Variants in EXTL3 observed in about 807,000 individuals in gnomAD.
EXTL3 encodes exostosin-like 3.
EXTL3 carries 27 observed loss-of-function variants against 69.3 expected under a neutral mutation model. That is an observed-to-expected ratio of 0.39 (90% CI 0.29 to 0.54). EXTL3 has a LOEUF of 0.54. Among genes scored for constraint, EXTL3 ranks in the 20% least tolerant of loss-of-function variants. The pLI, the probability that EXTL3 is intolerant of heterozygous loss-of-function variation, is 0.69. For synonymous variants in EXTL3, 511 were observed against 499.4 expected (o/e 1.02, Z -0.31); for missense variants, 1,003 against 1,231.8 (o/e 0.81, Z 2.78).
intron 1 of EXTL3, among the ~76,000 whole-genome samples, chr8:28,653,881 C>A (rs1230936387): frequency 4.6e-5 from 7 of 151,916 alleles, no homozygotes; most frequent in Non-Finnish European, 8.8e-5. Context: ...TCTCTTAATT[C>A]TTTATGAATT....
At chr8:28,713,882 A>G (rs945203234) in intron 2 of EXTL3, among the ~76,000 whole-genome samples, 1 of 150,010 alleles carries the variant, frequency 6.7e-6, no homozygotes, top group African/African-American at 2.5e-5. Context: ...AGCTGATTCT[A>G]ATATCCTCTT....
intron 1 of EXTL3, among the ~76,000 whole-genome samples, chr8:28,661,534 C>CAT (rs1243572299): frequency 2.2e-4 from 33 of 151,596 alleles, no homozygotes; most frequent in Admixed American, 1.3e-3. Flanking sequence ...TATAAACACA[C>CAT]ATATATATAT....
chr8:28,675,522 A>G (rs1807367264), intron 1 of EXTL3, among the ~76,000 whole-genome samples: 1 of 152,154 alleles, frequency 6.6e-6, no homozygotes, highest in Non-Finnish European at 1.5e-5. Context: ...TCTATCTAAT[A>G]AAACTGTCTT....
At chr8:28,712,911 T>C (rs1298708854) in intron 1 of EXTL3, among the ~76,000 whole-genome samples, 1 of 152,232 alleles carries the variant, frequency 6.6e-6, no homozygotes, top group African/African-American at 2.4e-5. Flanking sequence ...GTATGTAGTA[T>C]CTTTTAGAAT....
At chr8:28,639,950 A>G (rs1011521875) in intron 1 of EXTL3, among the ~76,000 whole-genome samples, 1 of 152,192 alleles carries the variant, frequency 6.6e-6, no homozygotes, top group African/African-American at 2.4e-5. Context: ...TAAAAATACA[A>G]TTAGCCAAGT....
chr8:28,725,171 C>T (rs1023964805), intron 3 of EXTL3, among the ~76,000 whole-genome samples: 2 of 152,012 alleles, frequency 1.3e-5, no homozygotes, highest in Non-Finnish European at 2.9e-5. Flanking sequence ...TTGGCTGGGC[C>T]GGATGTAATC....
intron 1 of EXTL3, among the ~76,000 whole-genome samples, chr8:28,653,006 A>C (rs774215206): frequency 2.6e-5 from 4 of 152,208 alleles, no homozygotes; most frequent in Non-Finnish European, 5.9e-5. Context: ...ACAATTGATT[A>C]ACCAAATTGA....
chr8:28,654,654 TATC>T (rs1183192499), intron 1 of EXTL3, among the ~76,000 whole-genome samples: 1 of 152,232 alleles, frequency 6.6e-6, no homozygotes, highest in Non-Finnish European at 1.5e-5. Context: ...AATATTGTAA[TATC>T]ATCTCTAATA....
intron 1 of EXTL3, among the ~76,000 whole-genome samples, chr8:28,695,390 G>A (rs898388933): frequency 6.6e-6 from 1 of 152,170 alleles, no homozygotes; most frequent in African/African-American, 2.4e-5. Context: ...GCCTCCTAAA[G>A]TGCTGGGATT....
chr8:28,716,124 G>T lies in EXTL3; in HGVS notation c.65G>T (p.Arg22Leu). ...AACGGAGGTCAGACCTGCATGCTGC[G>T]CTGGTCCAACCGCATCCGCCTCACG... Reference protein sequence around the residue: ...AGNGGQTCMLRWSNRIRLTWL... With the variant: ...AGNGGQTCMLLWSNRIRLTWL... Residue 22 changes from arginine (R) to leucine (L), a missense_variant, in exon 3 of 7, where the codon CGC becomes CTC. Arg to Leu is a moderately radical substitution (Grantham distance 102). Transcript: ENST00000220562. The surrounding 1 kb of genome is among the most constrained non-coding windows in gnomAD (Gnocchi z 7.1). 4 of 1,613,700 alleles carry T rather than the reference G, an allele frequency of 2.5e-6. No individual in the cohort carries two copies. The highest frequency in any genetic ancestry group is 1.7e-6 in the Non-Finnish European group (2 of 1,180,042).
chr8:28,612,039 C>T (rs905374626), intron 2 of EXTL3, among the ~76,000 whole-genome samples: 12 of 152,216 alleles, frequency 7.9e-5, no homozygotes, highest in Non-Finnish European at 1.5e-4. Context: ...CAGGAAGAAC[C>T]GCTCCAGCTT....
intron 1 of EXTL3, among the ~76,000 whole-genome samples, chr8:28,653,545 T>C (rs1292319802): frequency 6.6e-6 from 1 of 152,196 alleles, no homozygotes; most frequent in Non-Finnish European, 1.5e-5. Flanking sequence ...AGTTTTTATA[T>C]ATGGTATAGG....
chr8:28,617,369 T>C (rs1308728613), intron 2 of EXTL3, among the ~76,000 whole-genome samples: 1 of 152,202 alleles, frequency 6.6e-6, no homozygotes, highest in East Asian at 1.9e-4. Flanking sequence ...TTATTCACGA[T>C]AGCCAAAATG....
intron 1 of EXTL3, among the ~76,000 whole-genome samples, chr8:28,661,703 A>G (rs1807117817): frequency 6.6e-6 from 1 of 151,552 alleles, no homozygotes; most frequent in Non-Finnish European, 1.5e-5. Context: ...AACATGGTGA[A>G]ACCCCGCCTC....
chr8:28,729,448 T>C (rs1005931503), intron 3 of EXTL3, among the ~76,000 whole-genome samples: 1 of 149,494 alleles, frequency 6.7e-6, no homozygotes, highest in Non-Finnish European at 1.5e-5. Flanking sequence ...TGCAAAAAAA[T>C]AGCCAGGCGT....
intron 1 of EXTL3, among the ~76,000 whole-genome samples, chr8:28,649,933 A>G (rs1336133781): frequency 6.6e-6 from 1 of 152,116 alleles, no homozygotes; most frequent in Non-Finnish European, 1.5e-5. Context: ...ACGGTGGGTC[A>G]CACCTGTAAT....
chr8:28,672,879 G>C (rs949434346), intron 1 of EXTL3, among the ~76,000 whole-genome samples: 3 of 152,194 alleles, frequency 2.0e-5, no homozygotes, highest in African/African-American at 7.2e-5. Flanking sequence ...GAGGGACCCG[G>C]TGGGAGGTAA....
At chr8:28,713,771 T>G (rs1801078904) in intron 2 of EXTL3, among the ~76,000 whole-genome samples, 1 of 152,200 alleles carries the variant, frequency 6.6e-6, no homozygotes. Context: ...AACCTTTTAG[T>G]AATATTATCA....
At chr8:28,616,000 T>G (rs1806325454) in intron 2 of EXTL3, among the ~76,000 whole-genome samples, 1 of 151,882 alleles carries the variant, frequency 6.6e-6, no homozygotes, top group Non-Finnish European at 1.5e-5. Flanking sequence ...TTTGGGAGGC[T>G]GTGGCAGGCG....
Sources: gnomAD v4.1 joint callset for allele counts (sites outside exome capture counted in the v4.1 genomes callset) on GRCh38, gnomAD v4.1.1 for gene constraint, Gnocchi (gnomAD v3.1) non-coding constraint, MANE v1.5 for transcripts, NCBI Gene and HGNC (gene_info 2026-07-23, HGNC 2026-07-21) for gene names.